Variants in MLLT3 observed in about 807,000 individuals in gnomAD.
MLLT3 encodes the protein MLLT3 super elongation complex subunit.
A neutral mutation model predicts 53.2 loss-of-function variants in MLLT3; 4 were observed. The ratio of observed to expected loss-of-function variants is 0.08; its 90% CI spans 0.04 to 0.17. The LOEUF (loss-of-function observed/expected upper bound fraction) is 0.17. MLLT3 is among the 10% of genes least tolerant of loss of function. MLLT3 has a pLI of 1.00. For missense variants in MLLT3, 569 were observed against 684.0 expected, an observed-to-expected ratio of 0.83 and a Z score of 1.87; for synonymous variants, 283 against 230.6, an observed-to-expected ratio of 1.23 and a Z score of -2.06.
chr9:20,549,215 A>G (rs1028864590), intron 2 of MLLT3, among the ~76,000 whole-genome samples: 2 of 152,226 alleles, frequency 1.3e-5, no homozygotes, highest in Admixed American at 6.5e-5. Context: ...TGATTAAATT[A>G]TAAGATTCCT....
At chr9:20,394,260 C>G (rs140391952) in intron 5 of MLLT3, among the ~76,000 whole-genome samples, 181 of 152,180 alleles carry the variant, frequency 1.2e-3, no homozygotes, top group African/African-American at 3.7e-3. Flanking sequence ...TAGAATGAAG[C>G]TTTCGGGTAT....
intron 2 of MLLT3, among the ~76,000 whole-genome samples, chr9:20,520,173 G>GA: frequency 6.6e-6 from 1 of 152,194 alleles, no homozygotes; most frequent in East Asian, 1.9e-4. Flanking sequence ...ACATAGAGGG[G>GA]AACAACACAC....
In MLLT3 at chr9:20,622,472, C is replaced by A. The variant is rs1372867505; in HGVS notation, c.-216G>T. ...CCAAAAGCAAAAGCAGCAGCAGCAG[C>A]AGCAGCTCCAGGGTAAAGAAGATGA... On this transcript the variant is annotated 5_prime_UTR_variant, in exon 1 of 11. Coordinates refer to ENST00000380338, the MANE Select transcript of MLLT3 (RefSeq NM_004529.4). 5.6e-6 allele frequency: 3 copies of A among 538,918 alleles called. No individual in the cohort carries two copies. In the East Asian group the frequency reaches 9.8e-5, roughly 18 times the overall value. The allele number at this position is 538,918 out of a possible 1,614,324, so 33.4% of individuals were successfully genotyped here.
chr9:20,439,987 T>C (rs1823503778), intron 4 of MLLT3, among the ~76,000 whole-genome samples: 1 of 152,154 alleles, frequency 6.6e-6, no homozygotes, highest in African/African-American at 2.4e-5. Context: ...CAAATCCTTG[T>C]AATGGAAACC....
At position 20,620,968 on chromosome 9, in the gene MLLT3, C is replaced by G. The variant is rs749813968; in HGVS notation, c.13-134G>C. 9.3e-7 allele frequency: 1 copy of G among 1,072,088 alleles called. No homozygotes were observed. Among genetic ancestry groups the G allele is most frequent in the Non-Finnish European group, 1.4e-6 (1 of 722,854 alleles). The allele number at this position is 1,072,088 out of a possible 1,614,324, so 66.4% of individuals were successfully genotyped here. On this transcript the variant is annotated intron_variant, in intron 1 of 10. Transcript: ENST00000380338. The surrounding 1 kb of genome is among the most constrained non-coding windows in gnomAD (Gnocchi z 6.1). ...GAAACGGCGGTGCCCTCTGCATCCA[C>G]GTTTCACGCGCGTGGGCGCGCACAC...
In MLLT3 at chr9:20,564,848, C is replaced by T. The variant is rs187198367; in HGVS notation, c.193+55806G>A. Among the ~76,000 whole-genome samples, 32 of 152,234 alleles carry T rather than the reference C, an allele frequency of 2.1e-4. 1 individual carries two copies. The East Asian group carries it at 5.6e-3, about 27-fold the overall frequency. Reference sequence around the variant, plus strand: ...ATCTGAACCAATGTGAAAACCTCCACTTCCCCATCACTAATCCCTTGAGCC... The same window carrying T: ...ATCTGAACCAATGTGAAAACCTCCATTTCCCCATCACTAATCCCTTGAGCC... On this transcript the variant is annotated intron_variant, in intron 2 of 10. Coordinates refer to ENST00000380338, the MANE Select transcript of MLLT3 (RefSeq NM_004529.4).
chr9:20,514,045 G>A (rs929978170), intron 2 of MLLT3, among the ~76,000 whole-genome samples: 1 of 152,054 alleles, frequency 6.6e-6, no homozygotes, highest in African/African-American at 2.4e-5. Context: ...CAGTGGGTAG[G>A]TGGTCCTCTC....
At chr9:20,363,442 T>A (rs1303483280) in intron 7 of MLLT3, 34 bp downstream of exon 7, 2 of 1,610,552 alleles carry the variant, frequency 1.2e-6, no homozygotes, top group African/African-American at 1.3e-5. Context: ...TCTGACTTCA[T>A]CACAGGCAAC....
At chr9:20,459,211 C>A (rs1395026547) in intron 2 of MLLT3, among the ~76,000 whole-genome samples, 2 of 152,088 alleles carry the variant, frequency 1.3e-5, no homozygotes, top group Admixed American at 6.5e-5. Context: ...AAACTGAAGC[C>A]CACCTTAGGA....
At position 20,508,515 on chromosome 9, in the gene MLLT3, C is replaced by T. The variant is rs114310313; in HGVS notation, c.194-51729G>A. Among the ~76,000 whole-genome samples, 613 of 152,158 alleles carry T rather than the reference C, an allele frequency of 4.0e-3. 5 individuals are homozygous for T. Among genetic ancestry groups the T allele is most frequent in the African/African-American group, 0.014 (592 of 41,514 alleles). ...CCCCAGTCATAACTGTAGGGAGGAACTGAAAGTAAATCTTAGAGGTAAAGA... is the reference window on the plus strand; with the variant it reads ...CCCCAGTCATAACTGTAGGGAGGAATTGAAAGTAAATCTTAGAGGTAAAGA... On this transcript the variant is annotated intron_variant, in intron 2 of 10. Coordinates refer to ENST00000380338, the MANE Select transcript of MLLT3 (RefSeq NM_004529.4).
intron 5 of MLLT3, among the ~76,000 whole-genome samples, chr9:20,385,118 G>A (rs989303258): frequency 1.2e-4 from 18 of 152,062 alleles, no homozygotes; most frequent in African/African-American, 4.1e-4. Context: ...ATCTCTAACC[G>A]ATTAACATAC....
At chr9:20,520,347 A>C (rs1818026633) in intron 2 of MLLT3, among the ~76,000 whole-genome samples, 1 of 152,102 alleles carries the variant, frequency 6.6e-6, no homozygotes, top group Non-Finnish European at 1.5e-5. Context: ...CCTGAACTTA[A>C]AAGTCAAATT....
chr9:20,524,209 G>C (rs922186373), intron 2 of MLLT3, among the ~76,000 whole-genome samples: 1 of 151,946 alleles, frequency 6.6e-6, no homozygotes, highest in African/African-American at 2.4e-5. Flanking sequence ...ACGAAGCTGT[G>C]CATGTGTGGG....
In MLLT3 at chr9:20,587,976, T is replaced by C. The variant is rs546124797; in HGVS notation, c.193+32678A>G. Reference sequence around the variant, plus strand: ...CTTCTAGGGTTTTTATGGTTTTAGGTCTAACATTTAAGTCTTTAATCCATC... The same window carrying C: ...CTTCTAGGGTTTTTATGGTTTTAGGCCTAACATTTAAGTCTTTAATCCATC... On this transcript the variant is annotated intron_variant, in intron 2 of 10. Coordinates refer to ENST00000380338, the MANE Select transcript of MLLT3 (RefSeq NM_004529.4). 8.9e-4 allele frequency among the ~76,000 whole-genome samples: 134 copies of C among 150,408 alleles called. 2 individuals carry two copies. The East Asian group carries it at 0.026, about 29-fold the overall frequency.
chr9:20,553,200 A>G (rs1314320183), intron 2 of MLLT3, among the ~76,000 whole-genome samples: 1 of 152,204 alleles, frequency 6.6e-6, no homozygotes, highest in Non-Finnish European at 1.5e-5. Flanking sequence ...ACTTAAAACA[A>G]AACAAAAAAG....
chr9:20,446,619 G>A (rs1219985287), intron 4 of MLLT3, among the ~76,000 whole-genome samples: 2 of 152,124 alleles, frequency 1.3e-5, no homozygotes, highest in Non-Finnish European at 2.9e-5. Flanking sequence ...ACCCAAGAGA[G>A]ATAATCAGAA....
Position 20,413,867 on chromosome 9 carries a change from T to C in MLLT3, c.979A>G (p.Ile327Val), listed in dbSNP as rs746639759. 1.8e-5 allele frequency: 29 copies of C among 1,614,004 alleles called. No homozygotes were observed. The highest frequency in any genetic ancestry group is 6.6e-5 in the South Asian group (6 of 91,086). The change falls in exon 5 of 11, where the codon ATA (isoleucine) becomes GTA (valine). Residue 327 changes from isoleucine to valine, a missense_variant. This residue lies in a region of MLLT3 where 437 missense variants were observed against 376.5 expected (regional missense o/e 1.16). Coordinates refer to ENST00000380338, the MANE Select transcript of MLLT3 (RefSeq NM_004529.4). ...ATCTTGACATGAGATTTATCTTTTA[T>C]CTGTTTTTTGTCAGCAGAACAAGTG... Reference protein sequence around the residue: ...ILTCSADKKQIKDKSHVKMGK... With the variant: ...ILTCSADKKQVKDKSHVKMGK...
intron 5 of MLLT3, among the ~76,000 whole-genome samples, chr9:20,385,638 T>C (rs1457609795): frequency 2.6e-5 from 4 of 152,178 alleles, no homozygotes; most frequent in Non-Finnish European, 2.9e-5. Flanking sequence ...CCTAAAATGT[T>C]AAAATCTCAG....
At chr9:20,432,697 A>G (rs989948857) in intron 4 of MLLT3, among the ~76,000 whole-genome samples, 5 of 152,148 alleles carry the variant, frequency 3.3e-5, no homozygotes, top group African/African-American at 9.7e-5. Flanking sequence ...ACAACAGTTT[A>G]AAAGTGCAAA....
Sources: gnomAD v4.1 joint callset for allele counts (sites outside exome capture counted in the v4.1 genomes callset) on GRCh38, gnomAD v4.1.1 for gene constraint, gnomAD v4.1.1 regional missense constraint, Gnocchi (gnomAD v3.1) non-coding constraint, MANE v1.5 for transcripts, NCBI Gene and HGNC (gene_info 2026-07-23, HGNC 2026-07-21) for gene names.